The following ITGA10 variants were observed in gnomAD, a reference collection of about 807,000 sequenced individuals.
The protein encoded by ITGA10 is integrin alpha-10.
Under a neutral mutation model 145.2 loss-of-function variants are expected in ITGA10, and 105 were observed. The ratio of observed to expected loss-of-function variants is 0.72; its 90% CI spans 0.62 to 0.85. ITGA10 has a LOEUF of 0.85. ITGA10 is among the 40% of genes least tolerant of loss of function. ITGA10 has a pLI of 0.00. For missense variants in ITGA10, 1,317 were observed against 1,444.5 expected, an observed-to-expected ratio of 0.91 and a Z score of 1.43; for synonymous variants, 506 against 557.8, an observed-to-expected ratio of 0.91 and a Z score of 1.31.
chr1:145,904,574 T>C lies in ITGA10; in HGVS notation c.609+110A>G. 2.6e-6 allele frequency: 3 copies of C among 1,141,860 alleles called. No homozygotes were observed. In the Middle Eastern group the frequency reaches 7.3e-4, roughly 279 times the overall value. The allele number at this position is 1,141,860 out of a possible 1,614,324, so 70.7% of individuals were successfully genotyped here. On this transcript the variant is annotated intron_variant, in intron 6 of 29. Coordinates refer to ENST00000369304, the MANE Select transcript of ITGA10 (RefSeq NM_003637.5). ...CATATTTTTAGAGATGAGGTCTCAC[T>C]GTATTGCCCAGGCTAGTCTTGAACT... is the stretch of plus-strand genomic sequence containing the variant.
chr1:145,895,871 A>G, intron 25 of ITGA10, 112 bp downstream of exon 25: 1 of 1,012,830 alleles, frequency 9.9e-7, no homozygotes, highest in Non-Finnish European at 1.5e-6. Context: ...CCCCAGAGAG[A>G]AGAGCCCCAA....
intron 15 of ITGA10, 123 bp from the exon 16 acceptor site, chr1:145,899,464 T>A: frequency 9.6e-7 from 1 of 1,041,158 alleles, no homozygotes; most frequent in Non-Finnish European, 1.4e-6. Flanking sequence ...CATGTCACCC[T>A]CCCCCGAACC....
At chr1:145,895,595 G>T in intron 26 of ITGA10, 36 bp downstream of exon 26, 1 of 1,597,834 alleles carries the variant, frequency 6.3e-7, no homozygotes, top group Non-Finnish European at 8.6e-7. Flanking sequence ...AACTCCACTT[G>T]CATTCCCACT....
intron 19 of ITGA10, 59 bp from the exon 20 acceptor site, chr1:145,897,712 C>A: frequency 6.2e-7 from 1 of 1,612,618 alleles, no homozygotes; most frequent in Non-Finnish European, 8.5e-7. Context: ...CCAAAAGTCT[C>A]ACTTTTGTTA....
At position 145,899,208 on chromosome 1, in the gene ITGA10, A is replaced by G; in HGVS notation, c.2056T>C (p.Ser686Pro). The G allele has an allele frequency of 1.2e-6, 2 of 1,614,214 alleles. No homozygotes were observed. Among genetic ancestry groups the G allele is most frequent in the Non-Finnish European group, 8.5e-7 (1 of 1,180,040 alleles). Residue 686 changes from serine (S) to proline (P), a missense_variant, in exon 16 of 30, where the codon TCC becomes CCC. Physicochemically the swap from Ser to Pro is moderately conservative, Grantham distance 74. Transcript: ENST00000369304. ...LTAALCFQVT[S>P]RTPGRWDHQF... ...TGATCCCAGCGACCAGGAGTACGGG[A>G]GGTCACTTGGAAGCAAAGGGCTGCA...
intron 7 of ITGA10, 120 bp downstream of exon 7, chr1:145,903,932 G>T (rs782116827): frequency 3.6e-6 from 4 of 1,105,052 alleles, no homozygotes; most frequent in Non-Finnish European, 5.3e-6. Context: ...CAGGTGATCC[G>T]CCTGCCTTGC....
intron 1 of ITGA10, 129 bp from the exon 2 acceptor site, chr1:145,907,594 CCTCT>C: frequency 2.0e-6 from 3 of 1,487,092 alleles, no homozygotes; most frequent in Non-Finnish European, 2.7e-6. Context: ...GCTTTTCTGG[CCTCT>C]CTCAGTGTCA....
Position 145,904,205 on chromosome 1 carries a change from G to A in ITGA10, c.610-5C>T. Reference sequence around the variant, plus strand: ...CCCATACTGTACCAGTCCCACCTGGGAATAAAGCGCATTCAAATGAAATGT... The same window carrying A: ...CCCATACTGTACCAGTCCCACCTGGAAATAAAGCGCATTCAAATGAAATGT... On this transcript the variant is annotated splice_polypyrimidine_tract_variant and splice_region_variant and intron_variant, in intron 6 of 29. Coordinates refer to ENST00000369304, the MANE Select transcript of ITGA10 (RefSeq NM_003637.5). 6 of 1,614,002 alleles carry A rather than the reference G, an allele frequency of 3.7e-6. No homozygotes were observed. The highest frequency in any genetic ancestry group is 5.1e-6 in the Non-Finnish European group (6 of 1,179,864).
At chr1:145,903,167 T>C (rs1461007216) in intron 7 of ITGA10, among the ~76,000 whole-genome samples, 4 of 152,146 alleles carry the variant, frequency 2.6e-5, no homozygotes, top group African/African-American at 9.7e-5. Context: ...AGCTCAAATG[T>C]TTGAAGGTCA....
rs1654983878 is a variant in ITGA10, at chr1:145,893,563, T to A, written c.3301A>T (p.Thr1101Ser). ...GTEEGSVLQL[T>S]EASRWSESLL... Reference sequence around the variant, plus strand: ...ACCTCACTCCAACGGGAGGCTTCAGTCAGCTGTAGGACACTGCCCTCTTCG... The same window carrying A: ...ACCTCACTCCAACGGGAGGCTTCAGACAGCTGTAGGACACTGCCCTCTTCG... Residue 1101 changes from threonine (T) to serine (S), a missense_variant, in exon 28 of 30, where the codon ACT becomes TCT. Physicochemically the swap from Thr to Ser is moderately conservative, Grantham distance 58. Coordinates refer to ENST00000369304, the MANE Select transcript of ITGA10 (RefSeq NM_003637.5). 5 of 1,612,464 alleles carry A rather than the reference T, an allele frequency of 3.1e-6. No homozygotes were observed. In the African/African-American group the frequency reaches 6.7e-5, roughly 21 times the overall value.
Position 145,895,197 on chromosome 1 carries a change from C to T in ITGA10, c.3228+83G>A, listed in dbSNP as rs1482412920. 1.9e-5 allele frequency: 17 copies of T among 917,530 alleles called. No individual in the cohort carries two copies. In the East Asian group the frequency reaches 2.3e-4, roughly 13 times the overall value. The allele number at this position is 917,530 out of a possible 1,614,324, so 56.8% of individuals were successfully genotyped here. On this transcript the variant is annotated intron_variant, in intron 27 of 29. Coordinates refer to ENST00000369304, the MANE Select transcript of ITGA10 (RefSeq NM_003637.5). ...GTAAGAGGCAAAAGTGAAACTTGAA[C>T]GTGGGTCTGTCTACCTCCAAAACCT...
chr1:145,893,130 G>A, intron 29 of ITGA10, 31 bp downstream of exon 29: 1 of 1,481,606 alleles, frequency 6.7e-7, no homozygotes, highest in Non-Finnish European at 9.4e-7. Flanking sequence ...TGGGCATCAT[G>A]CTCCACACTC....
In ITGA10 at chr1:145,901,816, C is replaced by T; in HGVS notation, c.1294+61G>A. 3 of 1,604,172 alleles carry T rather than the reference C, an allele frequency of 1.9e-6. No individual in the cohort carries two copies. Among genetic ancestry groups the T allele is most frequent in the Non-Finnish European group, 2.6e-6 (3 of 1,173,360 alleles). ...TAAGAGGGAGTATTTCATACCCGCC[C>T]CCACTAGGGATGTATTTCCTCCCCT... On this transcript the variant is annotated intron_variant, in intron 11 of 29. Transcript: ENST00000369304. The surrounding 1 kb of genome is among the most constrained non-coding windows in gnomAD (Gnocchi z 4.3).
chr1:145,893,469 C>A, intron 28 of ITGA10, 71 bp downstream of exon 28: 1 of 1,262,958 alleles, frequency 7.9e-7, no homozygotes, highest in Non-Finnish European at 1.1e-6. Context: ...TCTGAAAAAG[C>A]CCACGGGTGG....
intron 28 of ITGA10, 66 bp downstream of exon 28, chr1:145,893,474 G>A (rs1570830473): frequency 1.1e-5 from 14 of 1,295,858 alleles, no homozygotes; most frequent in African/African-American, 1.5e-5. Context: ...AAAAGCCCAC[G>A]GGTGGCCCTA....
Position 145,907,554 on chromosome 1 carries a change from C to CA in ITGA10, c.53-90dup, listed in dbSNP as rs1250439777. On this transcript the variant is annotated intron_variant, in intron 1 of 29. Coordinates refer to ENST00000369304, the MANE Select transcript of ITGA10 (RefSeq NM_003637.5). ...AAGCTGTGAGGAAGCGTCTTAATCT[C>CA]AGTCTGCCTGCCTGCTTTTTCACTC... 4.5e-6 allele frequency: 7 copies of CA among 1,566,534 alleles called. No homozygotes were observed. The African/African-American group carries it at 6.8e-5, about 15-fold the overall frequency.
At chr1:145,895,828 T>A (rs1655313766) in intron 25 of ITGA10, 117 bp from the exon 26 acceptor site, 19 of 1,069,132 alleles carry the variant, frequency 1.8e-5, no homozygotes, top group Non-Finnish European at 2.6e-5. Flanking sequence ...CTTTTTCTTC[T>A]CTCTAATAAG....
intron 3 of ITGA10, 27 bp from the exon 4 acceptor site, chr1:145,906,851 G>A (rs371612883): frequency 2.3e-5 from 34 of 1,506,758 alleles, no homozygotes; most frequent in Non-Finnish European, 2.9e-5. Flanking sequence ...GGAAGAGAAT[G>A]AGATCATGGG....
intron 29 of ITGA10, 29 bp downstream of exon 29, chr1:145,893,132 T>G: frequency 6.7e-7 from 1 of 1,499,598 alleles, no homozygotes; most frequent in South Asian, 1.1e-5. Flanking sequence ...GGCATCATGC[T>G]CCACACTCCC....
Sources: allele counts gnomAD v4.1 joint callset (sites outside exome capture counted in the v4.1 genomes callset), GRCh38; gene constraint gnomAD v4.1.1; non-coding constraint Gnocchi (gnomAD v3.1); transcripts MANE v1.5; gene names NCBI Gene and HGNC (gene_info 2026-07-23, HGNC 2026-07-21).